SYBU: variants seen among roughly 807,000 people sequenced by gnomAD.
The protein encoded by SYBU is GOLSYN A protein.
In SYBU, 21 loss-of-function variants were observed where a neutral mutation model predicts 35.9. That is an observed-to-expected ratio of 0.58 (90% confidence interval 0.41 to 0.84). SYBU has a LOEUF of 0.84. Ranked by LOEUF, SYBU falls within the 40% of genes least tolerant of loss-of-function variation. SYBU has a pLI of 0.00. For missense variants in SYBU, 768 were observed against 848.2 expected, an observed-to-expected ratio of 0.91 and a Z score of 1.17; for synonymous variants, 319 against 324.3, an observed-to-expected ratio of 0.98 and a Z score of 0.18.
In SYBU at chr8:109,575,211, T is replaced by A. The variant is rs781749571; in HGVS notation, c.1687A>T (p.Asn563Tyr). Reference protein sequence around the residue: ...LLSPVETPYANVDAEVHANRL... With the variant: ...LLSPVETPYAYVDAEVHANRL... ...TTTGCATGAACTTCTGCATCCACAT[T>A]GGCGTAGGGGGTCTCCACGGGAGAC... The change falls in exon 7 of 7, where the codon AAT becomes TAT. Residue 563 changes from asparagine (N) to tyrosine (Y), a missense_variant. Asn to Tyr is a moderately radical substitution (Grantham distance 143, BLOSUM62 -2). Coordinates refer to ENST00000276646, the MANE Select transcript of SYBU (RefSeq NM_001099754.2). The A allele has an allele frequency of 6.8e-6, 11 of 1,614,164 alleles. No individual in the cohort carries two copies. The highest frequency in any genetic ancestry group is 3.3e-4 in the Middle Eastern group (2 of 6,062).
At chr8:109,615,557 G>A (rs796939203) in intron 3 of SYBU, among the ~76,000 whole-genome samples, 10 of 152,230 alleles carry the variant, frequency 6.6e-5, no homozygotes, top group African/African-American at 2.2e-4. Flanking sequence ...ACTCAAAAAA[G>A]CTGTAGCAAC....
chr8:109,619,161 C>A, intron 2 of SYBU, 122 bp from the exon 3 acceptor site: 1 of 697,492 alleles, frequency 1.4e-6, no homozygotes, highest in Non-Finnish European at 2.5e-6. Context: ...GCTTATGAAG[C>A]CCAGGTTAAC....
rs58085414 is a variant in SYBU at position 109,670,167 on chromosome 8, T to C, written c.-129+10544A>G. Among the ~76,000 whole-genome samples the C allele has an allele frequency of 4.7e-3, 721 of 152,122 alleles. 6 individuals carry two copies. Among genetic ancestry groups the C allele is most frequent in the African/African-American group, 0.016 (646 of 41,410 alleles). Reference sequence around the variant, plus strand: ...TGTTTTATTATTCTGTTATTAGCTGTTTCCAACACATATATGTATGCATCC... The same window carrying C: ...TGTTTTATTATTCTGTTATTAGCTGCTTCCAACACATATATGTATGCATCC... On this transcript the variant is annotated intron_variant, in intron 1 of 5. Transcript: ENST00000408889.
chr8:109,648,470 A>G (rs2130707136), upstream of SYBU, among the ~76,000 whole-genome samples: 1 of 152,044 alleles, frequency 6.6e-6, no homozygotes, highest in East Asian at 1.9e-4. Flanking sequence ...TTTCACATAT[A>G]TAATTTTATT....
chr8:109,664,233 G>A (rs753044789), intron 1 of SYBU, among the ~76,000 whole-genome samples: 4 of 152,166 alleles, frequency 2.6e-5, no homozygotes, highest in Admixed American at 6.6e-5. Flanking sequence ...CAGAAACTCA[G>A]TCCCGTAACA....
Position 109,579,866 on chromosome 8 carries a change from C to T in SYBU, c.667G>A (p.Ala223Thr). ...TTGCTACTGCTTGGGGAAGAAGGTG[C>T]ATAACTGGGATGGATATTGACAGGG... ...LSPVNIHPSY[A>T]PSSPSSSNSG... Residue 223 changes from alanine (A) to threonine (T), a missense_variant, in exon 5 of 7, where the codon GCA (alanine) becomes ACA (threonine). Ala to Thr is a moderately conservative substitution (Grantham distance 58, BLOSUM62 0). Coordinates refer to ENST00000276646, the MANE Select transcript of SYBU (RefSeq NM_001099754.2). The T allele has an allele frequency of 6.2e-7, 1 of 1,610,812 alleles. No individual in the cohort carries two copies. Among genetic ancestry groups the T allele is most frequent in the African/African-American group, 1.3e-5 (1 of 74,856 alleles).
At position 109,575,496 on chromosome 8, in the gene SYBU, G is replaced by C; in HGVS notation, c.1402C>G (p.Leu468Val). Residue 468 changes from leucine to valine, a missense_variant, in exon 7 of 7, where the codon CTG (leucine) becomes GTG (valine). Physicochemically the swap from Leu to Val is conservative, Grantham distance 32. Transcript: ENST00000276646. ...CCCATGACTATGGGCAGCAGCTCCA[G>C]GACGTTAGCCCCAGGGGTGGAATGC... Reference protein sequence around the residue: ...LVHSTPGANVLELLPIVMGQE... With the variant: ...LVHSTPGANVVELLPIVMGQE... The C allele has an allele frequency of 1.9e-6, 3 of 1,614,120 alleles. No homozygotes were observed. The highest frequency in any genetic ancestry group is 2.5e-6 in the Non-Finnish European group (3 of 1,180,010).
At chr8:109,609,272 C>T (rs976332282) in intron 3 of SYBU, among the ~76,000 whole-genome samples, 21 of 152,302 alleles carry the variant, frequency 1.4e-4, no homozygotes, top group African/African-American at 4.6e-4. Context: ...TCTGAATTGG[C>T]TGCAATCAGT....
intron 3 of SYBU, among the ~76,000 whole-genome samples, chr8:109,589,479 C>G (rs138415017): frequency 6.6e-6 from 1 of 152,268 alleles, no homozygotes; most frequent in African/African-American, 2.4e-5. Context: ...AATTTGATGA[C>G]CTTTAAGATA....
intron 3 of SYBU, among the ~76,000 whole-genome samples, chr8:109,593,222 A>G (rs1196143443): frequency 1.3e-5 from 2 of 152,210 alleles, no homozygotes; most frequent in Admixed American, 1.3e-4. Context: ...CAAAGGTAAA[A>G]AAGTGCCTGG....
upstream of SYBU, among the ~76,000 whole-genome samples, chr8:109,683,955 T>C (rs1187896442): frequency 1.3e-5 from 2 of 152,222 alleles, no homozygotes; most frequent in Non-Finnish European, 2.9e-5. Flanking sequence ...ACTATGATTA[T>C]AAGTTTCCTG....
At position 109,575,976 on chromosome 8, in the gene SYBU, G is replaced by T; in HGVS notation, c.922C>A (p.Arg308Ser). ...EIVELKSQLA[R>S]MREDWIEEEC... ...TCCTCAATCCAGTCCTCTCGCATGC[G>T]GGCCAGCTGGGACTTAAGCTCCACG... The change falls in exon 7 of 7, where the codon CGC becomes AGC. Residue 308 changes from arginine (R) to serine (S), a missense_variant. By Grantham distance (110) the Arg-to-Ser change is moderately radical. Transcript: ENST00000276646. 1 of 1,608,434 alleles carries T rather than the reference G, an allele frequency of 6.2e-7. No homozygotes were observed. Among genetic ancestry groups the T allele is most frequent in the South Asian group, 1.1e-5 (1 of 90,972 alleles).
chr8:109,673,174 G>A (rs769607486), intron 1 of SYBU, among the ~76,000 whole-genome samples: 7 of 152,270 alleles, frequency 4.6e-5, no homozygotes, highest in African/African-American at 9.6e-5. Context: ...CACAGCACTC[G>A]AGCTCTGCTA....
chr8:109,603,761 G>A (rs1825790454), intron 3 of SYBU, among the ~76,000 whole-genome samples: 1 of 152,122 alleles, frequency 6.6e-6, no homozygotes, highest in Non-Finnish European at 1.5e-5. Context: ...TATTGTAAAG[G>A]GCACATATCT....
intron 2 of SYBU, 111 bp from the exon 3 acceptor site, chr8:109,619,150 T>G: frequency 1.3e-6 from 1 of 759,898 alleles, no homozygotes; most frequent in Admixed American, 2.2e-5. Context: ...ACGTACACTC[T>G]GCTTATGAAG....
chr8:109,643,130 T>C lies in SYBU; in HGVS notation c.25-198A>G, dbSNP rs147665934. On this transcript the variant is annotated intron_variant, in intron 1 of 6. Coordinates refer to ENST00000276646, the MANE Select transcript of SYBU (RefSeq NM_001099754.2). The stretch of plus-strand genomic sequence containing the variant: ...GAGTTAACCTTTCTAATCTACTGAA[T>C]AGCACATGTCTGTGTGGCACACACA... 185 of 1,315,300 alleles carry C rather than the reference T, an allele frequency of 1.4e-4. No homozygotes were observed. In the East Asian group the frequency reaches 4.6e-3, roughly 33 times the overall value. 81.5% of individuals were successfully genotyped at this position (1,315,300 alleles called of 1,614,324 possible). A position where few individuals can be genotyped will look rare whatever the true frequency, so the allele number is the denominator to read the frequency against.
chr8:109,682,347 G>C (rs1366711884), upstream of SYBU, among the ~76,000 whole-genome samples: 1 of 152,176 alleles, frequency 6.6e-6, no homozygotes, highest in African/African-American at 2.4e-5. Flanking sequence ...GAATGGCTTT[G>C]GCCAAAATGC....
chr8:109,640,484 A>G (rs1188712875), intron 2 of SYBU, among the ~76,000 whole-genome samples: 1 of 152,170 alleles, frequency 6.6e-6, no homozygotes, highest in Non-Finnish European at 1.5e-5. Flanking sequence ...TATGTACACA[A>G]AGCTCTGTCA....
chr8:109,579,485 C>T (rs144979933), intron 5 of SYBU, among the ~76,000 whole-genome samples: 206 of 152,186 alleles, frequency 1.4e-3, no homozygotes, highest in African/African-American at 4.7e-3. Flanking sequence ...AGTTCAGTGG[C>T]GTGATCTCGG....
Sources: allele counts gnomAD v4.1 joint callset (sites outside exome capture counted in the v4.1 genomes callset), GRCh38; gene constraint gnomAD v4.1.1; transcripts MANE v1.5; gene names NCBI Gene and HGNC (gene_info 2026-07-23, HGNC 2026-07-21).